Variants in DNM3 observed in about 807,000 individuals in gnomAD.
The protein encoded by DNM3 is dynamin-3.
Under a neutral mutation model 101.6 loss-of-function variants are expected in DNM3, and 47 were observed. That is an observed-to-expected ratio of 0.46 (90% CI 0.37 to 0.59). The LOEUF is 0.59. DNM3 is among the 20% of genes least tolerant of loss of function. The probability of loss-of-function intolerance (pLI) is 0.00; values close to 1 mark genes in which losing one functional copy is unlikely to be tolerated. For missense variants in DNM3, 849 were observed against 1,085.7 expected (o/e 0.78, Z 3.06); for synonymous variants, 385 against 387.9 (o/e 0.99, Z 0.09).
intron 11 of DNM3, among the ~76,000 whole-genome samples, chr1:172,077,523 C>T (rs1317613396): frequency 6.6e-6 from 1 of 152,178 alleles, no homozygotes; most frequent in East Asian, 1.9e-4. Flanking sequence ...TCTTTGCTCT[C>T]ATTGGTTGCA....
At chr1:172,188,862 A>C (rs1238044718) in intron 14 of DNM3, among the ~76,000 whole-genome samples, 1 of 151,954 alleles carries the variant, frequency 6.6e-6, no homozygotes, top group Admixed American at 6.6e-5. Flanking sequence ...AAGTTTTTTA[A>C]TTTAAGGAGG....
chr1:171,943,411 G>A (rs1194596700), intron 2 of DNM3, among the ~76,000 whole-genome samples: 1 of 152,128 alleles, frequency 6.6e-6, no homozygotes, highest in African/African-American at 2.4e-5. Flanking sequence ...ATTACCAATA[G>A]AACAGACTCT....
chr1:171,936,173 A>G (rs1264946904), intron 2 of DNM3, among the ~76,000 whole-genome samples: 2 of 152,034 alleles, frequency 1.3e-5, no homozygotes, highest in Non-Finnish European at 2.9e-5. Context: ...CCTGGCCAAC[A>G]TGGTGAAACC....
Position 172,034,146 on chromosome 1 carries a change from C to T in DNM3, c.849+881C>T, listed in dbSNP as rs564281143. ...TTATACCTGAACCATTTAGGCAAAA[C>T]AACTGAGAAGAAATTTTAGAAAATA... On this transcript the variant is annotated intron_variant, in intron 6 of 20. Transcript: ENST00000627582. Among the ~76,000 whole-genome samples, 16 of 152,126 alleles carry T rather than the reference C, an allele frequency of 1.1e-4. No homozygotes were observed. In the East Asian group the frequency reaches 3.1e-3, roughly 29 times the overall value.
chr1:172,081,900 A>G lies in DNM3; in HGVS notation c.1491A>G (p.Ala497=), dbSNP rs1358150576. The stretch of plus-strand genomic sequence containing the variant: ...ACCATGAAGACTTCATTGGCTTCGC[A>G]AAGTACGTGAAACACTTGATGGCCA... ...NTNHEDFIGF[A]NAQQRSSQVH... Residue 497 remains alanine (A), a splice_region_variant and synonymous_variant, in exon 12 of 21, where the codon GCA becomes GCG. Transcript: ENST00000627582. 6.2e-7 allele frequency: 1 copy of G among 1,612,680 alleles called. No homozygotes were observed. Among genetic ancestry groups the G allele is most frequent in the Non-Finnish European group, 8.5e-7 (1 of 1,179,336 alleles).
At position 171,987,682 on chromosome 1, in the gene DNM3, G is replaced by A. The variant is rs1317526569; in HGVS notation, c.262G>A (p.Gly88Arg). 5.0e-6 allele frequency: 8 copies of A among 1,591,004 alleles called. No individual in the cohort carries two copies. Among genetic ancestry groups the A allele is most frequent in the African/African-American group, 1.3e-5 (1 of 74,192 alleles). ...ATATGCCGAGTTTCTACATTGCAAAGGAAAGAAATTTACAGATTTTGATGA... is the reference window on the plus strand; with the variant it reads ...ATATGCCGAGTTTCTACATTGCAAAAGAAAGAAATTTACAGATTTTGATGA... ...AEYAEFLHCK[G>R]KKFTDFDEVR... Residue 88 changes from glycine (G) to arginine (R), a missense_variant, in exon 3 of 21, where the codon GGA becomes AGA. This residue lies in a region of DNM3 where 388 missense variants were observed against 483.0 expected (regional missense o/e 0.80). Coordinates refer to ENST00000627582, the MANE Select transcript of DNM3 (RefSeq NM_015569.5).
chr1:172,267,987 C>T (rs1483198225), intron 15 of DNM3, among the ~76,000 whole-genome samples: 1 of 152,188 alleles, frequency 6.6e-6, no homozygotes, highest in Non-Finnish European at 1.5e-5. Flanking sequence ...GCTGGGATTA[C>T]AGGTATGAGC....
intron 14 of DNM3, among the ~76,000 whole-genome samples, chr1:172,191,939 A>G (rs1407384458): frequency 6.6e-6 from 1 of 152,124 alleles, no homozygotes; most frequent in Non-Finnish European, 1.5e-5. Flanking sequence ...GTTTTTCTAA[A>G]TATACCATCA....
At chr1:172,176,231 A>G (rs1456346563) in intron 14 of DNM3, among the ~76,000 whole-genome samples, 1 of 151,848 alleles carries the variant, frequency 6.6e-6, no homozygotes, top group Non-Finnish European at 1.5e-5. Context: ...GAAGTCAGAG[A>G]GGAGAGAAGA....
intron 1 of DNM3, among the ~76,000 whole-genome samples, chr1:171,888,330 G>A (rs116506290): frequency 0.014 from 2,123 of 152,098 alleles, 57 homozygotes; most frequent in African/African-American, 0.047. Context: ...TTAGAGTAGG[G>A]GGGGAATAAT....
chr1:172,076,783 G>C (rs983255632), intron 11 of DNM3, among the ~76,000 whole-genome samples: 5 of 152,058 alleles, frequency 3.3e-5, no homozygotes, highest in Non-Finnish European at 7.4e-5. Context: ...TTTCTTTTTT[G>C]TGTGTGTCTC....
chr1:172,219,925 A>G (rs2060846808), intron 14 of DNM3, among the ~76,000 whole-genome samples: 1 of 152,192 alleles, frequency 6.6e-6, no homozygotes, highest in African/African-American at 2.4e-5. Context: ...CTGAGAAAAT[A>G]CACATGAGCA....
At chr1:171,930,843 C>T (rs545543597) in intron 2 of DNM3, among the ~76,000 whole-genome samples, 10 of 152,324 alleles carry the variant, frequency 6.6e-5, no homozygotes, top group African/African-American at 2.4e-4. Context: ...TGATTCTAGT[C>T]GGCCATCTTG....
At chr1:172,078,340 C>A (rs527876224) in intron 11 of DNM3, among the ~76,000 whole-genome samples, 2 of 152,296 alleles carry the variant, frequency 1.3e-5, no homozygotes, top group East Asian at 3.9e-4. Context: ...GATCTGCCCG[C>A]CTTGGCCTCC....
intron 14 of DNM3, among the ~76,000 whole-genome samples, chr1:172,163,887 A>G (rs1253798536): frequency 2.1e-5 from 2 of 94,162 alleles, no homozygotes; most frequent in African/African-American, 2.0e-4. Context: ...GTATGTGTAT[A>G]TATGTATATA....
intron 15 of DNM3, among the ~76,000 whole-genome samples, chr1:172,254,568 CTTAAGGTCA>C (rs1412962557): frequency 6.6e-6 from 1 of 152,128 alleles, no homozygotes; most frequent in Non-Finnish European, 1.5e-5. Flanking sequence ...AACTCACTTT[CTTAAGGTCA>C]TAAAACTGGT....
At chr1:172,204,088 T>A (rs1421705808) in intron 14 of DNM3, among the ~76,000 whole-genome samples, 5 of 152,164 alleles carry the variant, frequency 3.3e-5, no homozygotes, top group African/African-American at 1.2e-4. Context: ...CATCTCCCAG[T>A]GCTATGGCAT....
intron 14 of DNM3, chr1:172,142,061 T>G (rs1308269329): frequency 6.6e-6 from 1 of 152,094 alleles, no homozygotes; most frequent in East Asian, 1.9e-4. Context: ...GAAATTTCTA[T>G]GAAGTGTAGT....
At chr1:172,316,614 A>C (rs1052056822) in intron 16 of DNM3, among the ~76,000 whole-genome samples, 1 of 152,140 alleles carries the variant, frequency 6.6e-6, no homozygotes, top group African/African-American at 2.4e-5. Context: ...ACAGACTTTA[A>C]ACCAACAAAG....
Sources: allele counts gnomAD v4.1 joint callset (sites outside exome capture counted in the v4.1 genomes callset), GRCh38; gene constraint gnomAD v4.1.1; regional missense constraint gnomAD v4.1.1; transcripts MANE v1.5; gene names NCBI Gene and HGNC (gene_info 2026-07-23, HGNC 2026-07-21).